RIDA: variants seen among roughly 807,000 people sequenced by gnomAD.
RIDA encodes the protein 2-iminobutanoate/2-iminopropanoate deaminase.
RIDA carries 17 observed loss-of-function variants against 17.8 expected under a neutral mutation model. That is an observed-to-expected ratio of 0.96 (90% CI 0.65 to 1.43). RIDA has a LOEUF of 1.43. Ranked by LOEUF, RIDA falls within the 40% of genes most tolerant of loss-of-function variation. The pLI is 0.00. For missense variants in RIDA, 158 were observed against 161.7 expected, an observed-to-expected ratio of 0.98 and a Z score of 0.12; for synonymous variants, 48 against 55.7, an observed-to-expected ratio of 0.86 and a Z score of 0.62.
At chr8:98,115,388 C>CAAAAAAA (rs766262204) in intron 1 of RIDA, among the ~76,000 whole-genome samples, 1 of 41,136 alleles carries the variant, frequency 2.4e-5, no homozygotes, top group Non-Finnish European at 4.2e-5. Flanking sequence ...ACTCTGCCTC[C>CAAAAAAA]AAAAAAAAAA....
chr8:98,103,421 G>A (rs28639646), intron 5 of RIDA, among the ~76,000 whole-genome samples: 29,904 of 152,138 alleles, frequency 0.2, 3,211 homozygotes, highest in Non-Finnish European at 0.24. Context: ...CAGGAATATT[G>A]TGCTGCTAAG....
intron 2 of RIDA, among the ~76,000 whole-genome samples, chr8:98,106,951 A>G (rs1389428163): frequency 1.3e-5 from 2 of 152,194 alleles, no homozygotes; most frequent in African/African-American, 4.8e-5. Context: ...CCGTGTAAAG[A>G]TATCTCTCAC....
chr8:98,115,554 C>CTT (rs61291894), intron 1 of RIDA, among the ~76,000 whole-genome samples: 1 of 147,196 alleles, frequency 6.8e-6, no homozygotes, highest in African/African-American at 2.5e-5. Flanking sequence ...TTTAATTAAA[C>CTT]TTTTTTTTTT....
chr8:98,108,522 AAGT>A, intron 2 of RIDA, 121 bp downstream of exon 2: 1 of 660,916 alleles, frequency 1.5e-6, no homozygotes, highest in Non-Finnish European at 2.7e-6. Context: ...ATCAAGCAGT[AAGT>A]AGTTTAAAAA....
At chr8:98,111,482 T>G (rs1384435092) in intron 1 of RIDA, among the ~76,000 whole-genome samples, 3 of 152,022 alleles carry the variant, frequency 2.0e-5, no homozygotes, top group Admixed American at 6.6e-5. Context: ...GGTGCACACC[T>G]GTAATTCCAG....
chr8:98,108,857 A>AC, intron 1 of RIDA, 106 bp from the exon 2 acceptor site: 1 of 672,684 alleles, frequency 1.5e-6, no homozygotes, highest in Non-Finnish European at 2.6e-6. Context: ...TAAAAAAAAA[A>AC]AAACAGATAC....
chr8:98,116,605 G>A (rs1421076572), intron 1 of RIDA, among the ~76,000 whole-genome samples: 1 of 152,178 alleles, frequency 6.6e-6, no homozygotes, highest in African/African-American at 2.4e-5. Flanking sequence ...TGATGAAAAT[G>A]TTCTGAAGAA....
At chr8:98,109,648 T>C (rs2130553217) in intron 1 of RIDA, among the ~76,000 whole-genome samples, 1 of 152,310 alleles carries the variant, frequency 6.6e-6, no homozygotes, top group East Asian at 1.9e-4. Flanking sequence ...CAGGCTGAAG[T>C]GCAGTGGTAG....
At chr8:98,114,389 G>A (rs1401672690) in intron 1 of RIDA, among the ~76,000 whole-genome samples, 2 of 150,044 alleles carry the variant, frequency 1.3e-5, no homozygotes, top group Non-Finnish European at 2.9e-5. Flanking sequence ...GCAGTGGTGC[G>A]ATCTTGGCTC....
chr8:98,112,796 T>C (rs1451495375), intron 1 of RIDA, among the ~76,000 whole-genome samples: 1 of 152,214 alleles, frequency 6.6e-6, no homozygotes, highest in East Asian at 1.9e-4. Flanking sequence ...GCTTTCCCCA[T>C]ATCTGAAACA....
intron 1 of RIDA, among the ~76,000 whole-genome samples, chr8:98,112,428 T>G (rs192759016): frequency 1.3e-5 from 2 of 152,294 alleles, no homozygotes; most frequent in East Asian, 3.9e-4. Flanking sequence ...TGTAGGTGAT[T>G]CCTTGCATAC....
intron 1 of RIDA, among the ~76,000 whole-genome samples, chr8:98,111,881 G>C (rs949894730): frequency 6.6e-6 from 1 of 151,584 alleles, no homozygotes; most frequent in African/African-American, 2.4e-5. Context: ...TTCCATTCTT[G>C]TTCCCTATTT....
intron 4 of RIDA, among the ~76,000 whole-genome samples, chr8:98,105,118 G>A (rs1815614280): frequency 1.6e-5 from 1 of 61,778 alleles, no homozygotes; most frequent in Non-Finnish European, 2.8e-5. Context: ...TTAGCTTTCT[G>A]GCAAAAAAAA....
intron 2 of RIDA, 160 bp from the exon 3 acceptor site, chr8:98,106,486 T>C: frequency 3.4e-6 from 2 of 594,724 alleles, no homozygotes; most frequent in African/African-American, 1.9e-5. Context: ...TTTCCTTTAA[T>C]AGAATGAGTC....
chr8:98,114,305 A>C (rs1815769599), intron 1 of RIDA, among the ~76,000 whole-genome samples: 2 of 150,068 alleles, frequency 1.3e-5, no homozygotes. Flanking sequence ...GGAAACCACC[A>C]CAACCTGTAC....
intron 1 of RIDA, among the ~76,000 whole-genome samples, chr8:98,110,979 T>A (rs372634495): frequency 2.0e-5 from 3 of 152,218 alleles, no homozygotes; most frequent in South Asian, 4.1e-4. Context: ...GCCATTATTG[T>A]AAGTTTCTTG....
intron 1 of RIDA, among the ~76,000 whole-genome samples, chr8:98,116,629 G>A (rs1815832665): frequency 6.6e-6 from 1 of 152,062 alleles, no homozygotes; most frequent in Admixed American, 6.6e-5. Flanking sequence ...GGTGATGGCT[G>A]CACAACTCTG....
intron 2 of RIDA, among the ~76,000 whole-genome samples, chr8:98,107,834 A>T (rs892353214): frequency 3.3e-5 from 5 of 151,750 alleles, no homozygotes; most frequent in Non-Finnish European, 7.4e-5. Context: ...GAGTGGCACA[A>T]TCTCAGCTCA....
At chr8:98,109,757 G>A (rs994136863) in intron 1 of RIDA, among the ~76,000 whole-genome samples, 51 of 151,980 alleles carry the variant, frequency 3.4e-4, no homozygotes, top group African/African-American at 1.2e-3. Flanking sequence ...CACCATGCCT[G>A]GCTAATTTTT....
Sources: allele counts gnomAD v4.1 joint callset (sites outside exome capture counted in the v4.1 genomes callset), GRCh38; gene constraint gnomAD v4.1.1; transcripts MANE v1.5; gene names NCBI Gene and HGNC (gene_info 2026-07-23, HGNC 2026-07-21).